Variants in LRRTM4 observed in about 807,000 individuals in gnomAD.
LRRTM4 encodes leucine rich repeat transmembrane neuronal 4, also known as leucine-rich repeat transmembrane neuronal protein 4.
A neutral mutation model predicts 47.6 loss-of-function variants in LRRTM4; 25 were observed. The observed-to-expected ratio is 0.53, with a 90% CI of 0.38 to 0.73. The LOEUF (loss-of-function observed/expected upper bound fraction) is 0.73. LRRTM4 is among the 30% of genes least tolerant of loss of function. LRRTM4 has a pLI of 0.00. For missense variants in LRRTM4, 638 were observed against 713.4 expected (o/e 0.89, Z 1.20); for synonymous variants, 311 against 269.5 (o/e 1.15, Z -1.51).
intron 3 of LRRTM4, among the ~76,000 whole-genome samples, chr2:77,135,107 A>C (rs1212009587): frequency 6.6e-6 from 1 of 152,228 alleles, no homozygotes; most frequent in Non-Finnish European, 1.5e-5. Flanking sequence ...GGATGAAAAC[A>C]TTCAGTCCAA....
In LRRTM4 at chr2:77,522,310, G is replaced by A. The variant is rs1679546818; in HGVS notation, c.-349C>T. On this transcript the variant is annotated 5_prime_UTR_variant, in exon 1 of 4. Coordinates refer to ENST00000409884, the MANE Select transcript of LRRTM4 (RefSeq NM_001134745.3). ...TGGGAGGCAGCCCTTGTCTAATTCA[G>A]AAGGCTTTCCAGAGACTGATGATGC... is the stretch of plus-strand genomic sequence containing the variant. 1.9e-6 allele frequency: 1 copy of A among 530,920 alleles called. No homozygotes were observed. Among genetic ancestry groups the A allele is most frequent in the South Asian group, 2.5e-5 (1 of 39,784 alleles). The allele number at this position is 530,920 out of a possible 1,614,324, so 32.9% of individuals were successfully genotyped here. A position where few individuals can be genotyped will look rare whatever the true frequency, so the allele number is the denominator to read the frequency against.
At chr2:77,307,647 T>TAATAAA (rs1558680329) in intron 3 of LRRTM4, among the ~76,000 whole-genome samples, 33 of 50,440 alleles carry the variant, frequency 6.5e-4, no homozygotes, top group African/African-American at 6.3e-3. Flanking sequence ...TATAGATATA[T>TAATAAA]CTATATATTA....
chr2:76,916,345 ACCGCACTCCAGC>A (rs1456480467), intron 3 of LRRTM4, among the ~76,000 whole-genome samples: 5 of 135,318 alleles, frequency 3.7e-5, no homozygotes, highest in Non-Finnish European at 6.1e-5. Context: ...CGATCGTGCC[ACCGCACTCCAGC>A]CTGGGCGACA....
At chr2:77,480,159 T>A (rs1343755641) in intron 3 of LRRTM4, among the ~76,000 whole-genome samples, 1 of 152,062 alleles carries the variant, frequency 6.6e-6, no homozygotes, top group Non-Finnish European at 1.5e-5. Flanking sequence ...ACACGACATT[T>A]CCTCTAATTA....
intron 3 of LRRTM4, among the ~76,000 whole-genome samples, chr2:76,989,468 T>C (rs945977933): frequency 2.6e-5 from 4 of 152,012 alleles, no homozygotes; most frequent in African/African-American, 7.2e-5. Context: ...TAAACAAAGA[T>C]TGCATATGTT....
intron 3 of LRRTM4, among the ~76,000 whole-genome samples, chr2:77,408,170 C>T (rs1431389847): frequency 6.6e-6 from 1 of 152,208 alleles, no homozygotes; most frequent in East Asian, 1.9e-4. Flanking sequence ...CATTCCTATC[C>T]TTTAATCCTG....
At chr2:77,301,030 T>G (rs538767157) in intron 3 of LRRTM4, among the ~76,000 whole-genome samples, 1 of 152,176 alleles carries the variant, frequency 6.6e-6, no homozygotes, top group East Asian at 1.9e-4. Flanking sequence ...TAACAGGATA[T>G]GAATCCATGC....
chr2:76,751,459 G>A (rs1219709375), intron 3 of LRRTM4, among the ~76,000 whole-genome samples: 7 of 152,096 alleles, frequency 4.6e-5, no homozygotes, highest in African/African-American at 1.7e-4. Context: ...CTAGGTCAGA[G>A]TTGTGATTGA....
chr2:77,349,535 GT>G (rs1409067256), intron 3 of LRRTM4, among the ~76,000 whole-genome samples: 1 of 152,058 alleles, frequency 6.6e-6, no homozygotes, highest in Non-Finnish European at 1.5e-5. Context: ...AACTGTTAGA[GT>G]TTTGTTGTCG....
intron 3 of LRRTM4, among the ~76,000 whole-genome samples, chr2:77,046,384 T>C (rs986191865): frequency 6.6e-6 from 1 of 152,000 alleles, no homozygotes; most frequent in African/African-American, 2.4e-5. Flanking sequence ...ATTTTTTTTC[T>C]AGAAAAATAG....
intron 3 of LRRTM4, among the ~76,000 whole-genome samples, chr2:76,877,695 C>G (rs1672815679): frequency 6.6e-6 from 1 of 151,842 alleles, no homozygotes; most frequent in Admixed American, 6.6e-5. Context: ...ATCAGTGACA[C>G]CTAGATATAA....
At chr2:77,060,698 A>C (rs968670342) in intron 3 of LRRTM4, among the ~76,000 whole-genome samples, 7 of 152,166 alleles carry the variant, frequency 4.6e-5, no homozygotes, top group African/African-American at 1.4e-4. Flanking sequence ...TTTATGATTA[A>C]AATATGGCTT....
chr2:77,070,866 G>C (rs1279157865), intron 3 of LRRTM4, among the ~76,000 whole-genome samples: 1 of 152,172 alleles, frequency 6.6e-6, no homozygotes, highest in South Asian at 2.1e-4. Flanking sequence ...CCTGACCTCA[G>C]GTGACCCTCC....
chr2:77,466,557 T>C (rs1676988971), intron 3 of LRRTM4, among the ~76,000 whole-genome samples: 1 of 152,176 alleles, frequency 6.6e-6, no homozygotes, highest in African/African-American at 2.4e-5. Context: ...ATGATATTTC[T>C]TATACACTGT....
At chr2:77,147,470 G>A (rs1371433) in intron 3 of LRRTM4, among the ~76,000 whole-genome samples, 12,314 of 152,166 alleles carry the variant, frequency 0.081, 1,664 homozygotes, top group African/African-American at 0.28. Flanking sequence ...GATTAGAAAA[G>A]ATCTGTCATG....
chr2:77,429,778 G>T (rs1675287543), intron 3 of LRRTM4, among the ~76,000 whole-genome samples: 1 of 152,108 alleles, frequency 6.6e-6, no homozygotes, highest in South Asian at 2.1e-4. Context: ...GTTAATTCAA[G>T]AAATCTGCCA....
In LRRTM4 at chr2:77,112,896, T is replaced by G. The variant is rs1254977866; in HGVS notation, c.1552-363980A>C. ...GACGGAACGCATGGCCATTTTACAC[T>G]CATGGTTCGCATTCTCAAAAGCTAA... is the stretch of plus-strand genomic sequence containing the variant. On this transcript the variant is annotated intron_variant, in intron 3 of 3. Transcript: ENST00000409884. 2.0e-5 allele frequency among the ~76,000 whole-genome samples: 3 copies of G among 152,162 alleles called. No homozygotes were observed. In the East Asian group the frequency reaches 5.8e-4, roughly 29 times the overall value.
Position 77,488,957 on chromosome 2 carries a change from A to G in LRRTM4, c.1551+29361T>C, listed in dbSNP as rs1327630349. ...TGGCACATGTATACATATGTAACAA[A>G]CCTGCACATAGTGCACATGTACCCT... On this transcript the variant is annotated intron_variant, in intron 3 of 3. Coordinates refer to ENST00000409884, the MANE Select transcript of LRRTM4 (RefSeq NM_001134745.3). Among the ~76,000 whole-genome samples, 5 of 151,588 alleles carry G rather than the reference A, an allele frequency of 3.3e-5. No individual in the cohort carries two copies. The East Asian group carries it at 9.7e-4, about 30-fold the overall frequency.
At chr2:77,086,588 C>A (rs574790741) in intron 3 of LRRTM4, among the ~76,000 whole-genome samples, 1 of 151,778 alleles carries the variant, frequency 6.6e-6, no homozygotes, top group Non-Finnish European at 1.5e-5. Context: ...AGCCATTCTC[C>A]TGCCTAGCCT....
Sources: gnomAD v4.1 joint callset for allele counts (sites outside exome capture counted in the v4.1 genomes callset) on GRCh38, gnomAD v4.1.1 for gene constraint, MANE v1.5 for transcripts, NCBI Gene and HGNC (gene_info 2026-07-23, HGNC 2026-07-21) for gene names.